Variants in TBC1D5 observed in about 807,000 individuals in gnomAD.
TBC1D5 encodes TBC1 domain family, member 5.
In TBC1D5, 75 loss-of-function variants were observed where a neutral mutation model predicts 100.3. That is an observed-to-expected ratio of 0.75 (90% confidence interval 0.62 to 0.91). The LOEUF is 0.91. Ranked by LOEUF, TBC1D5 falls within the 40% of genes least tolerant of loss-of-function variation. TBC1D5 has a pLI of 0.00. For missense variants in TBC1D5, 910 were observed against 942.4 expected, an observed-to-expected ratio of 0.97 and a Z score of 0.45; for synonymous variants, 323 against 325.6, an observed-to-expected ratio of 0.99 and a Z score of 0.09.
Position 17,209,403 on chromosome 3 carries a change from A to G in TBC1D5, c.1752+4804T>C, listed in dbSNP as rs2125926122. ...TGGACTCAAGCAATGCTCCCAACTC[A>G]GCCTCCCTAAGTGTTGGGATTACAG... On this transcript the variant is annotated intron_variant, in intron 18 of 21. Transcript: ENST00000253692. Among the ~76,000 whole-genome samples, 2 of 152,278 alleles carry G rather than the reference A, an allele frequency of 1.3e-5. 1 individual carries two copies. The highest frequency in any genetic ancestry group is 4.1e-4 in the South Asian group (2 of 4,826).
At chr3:17,643,633 CA>C (rs1577194298) in intron 1 of TBC1D5, among the ~76,000 whole-genome samples, 1 of 151,958 alleles carries the variant, frequency 6.6e-6, no homozygotes, top group East Asian at 1.9e-4. Flanking sequence ...AAAAAATTAT[CA>C]AAAAGTTAAA....
At chr3:17,471,815 A>C (rs1390906587) in intron 3 of TBC1D5, among the ~76,000 whole-genome samples, 2 of 152,200 alleles carry the variant, frequency 1.3e-5, no homozygotes, top group African/African-American at 4.8e-5. Context: ...ATTTCCAAAA[A>C]TTAAAAACAA....
chr3:17,573,927 T>C (rs952115423), intron 2 of TBC1D5, among the ~76,000 whole-genome samples: 1 of 151,992 alleles, frequency 6.6e-6, no homozygotes, highest in Non-Finnish European at 1.5e-5. Flanking sequence ...ATATTTTAAC[T>C]CTGTTGATCC....
chr3:17,405,242 T>G (rs2093741175), intron 5 of TBC1D5, among the ~76,000 whole-genome samples: 1 of 151,912 alleles, frequency 6.6e-6, no homozygotes, highest in Admixed American at 6.6e-5. Context: ...GGAAGAAAAA[T>G]TCATTGAGGT....
At chr3:17,397,651 G>A (rs7652792) in intron 8 of TBC1D5, among the ~76,000 whole-genome samples, 76,318 of 152,048 alleles carry the variant, frequency 0.5, 20,920 homozygotes, top group African/African-American at 0.7. Context: ...TGCTGGGATT[G>A]AAGGCATGAG....
chr3:17,684,114 C>T (rs2069908093), intron 1 of TBC1D5, among the ~76,000 whole-genome samples: 1 of 151,728 alleles, frequency 6.6e-6, no homozygotes, highest in Non-Finnish European at 1.5e-5. Context: ...AAGAAGACCA[C>T]ATTGGCATTA....
intron 9 of TBC1D5, among the ~76,000 whole-genome samples, chr3:17,383,593 A>G (rs2093035205): frequency 2.0e-5 from 3 of 152,100 alleles, no homozygotes; most frequent in Non-Finnish European, 4.4e-5. Context: ...TAAAAATAAT[A>G]TTTGTACATA....
At chr3:17,391,924 TG>T (rs1223257127) in intron 8 of TBC1D5, among the ~76,000 whole-genome samples, 1 of 152,096 alleles carries the variant, frequency 6.6e-6, no homozygotes, top group African/African-American at 2.4e-5. Context: ...TATAGTAGAA[TG>T]AAAGAAGAGA....
chr3:17,264,205 ACTAGATG>A (rs1434783869), intron 15 of TBC1D5, among the ~76,000 whole-genome samples: 1 of 152,104 alleles, frequency 6.6e-6, no homozygotes, highest in Non-Finnish European at 1.5e-5. Context: ...CTAACTAAAT[ACTAGATG>A]CTACAAGAAG....
intron 2 of TBC1D5, among the ~76,000 whole-genome samples, chr3:17,572,380 T>C (rs1477852844): frequency 6.6e-6 from 1 of 151,956 alleles, no homozygotes; most frequent in African/African-American, 2.4e-5. Flanking sequence ...CATCTTTTCA[T>C]ATACATTGCT....
At chr3:17,271,518 G>A (rs2079423646) in intron 15 of TBC1D5, among the ~76,000 whole-genome samples, 1 of 152,068 alleles carries the variant, frequency 6.6e-6, no homozygotes, top group African/African-American at 2.4e-5. Context: ...GTCTTTAAGG[G>A]TTTTCTAGGT....
chr3:17,501,281 T>C (rs1334488733), intron 3 of TBC1D5, among the ~76,000 whole-genome samples: 8 of 149,498 alleles, frequency 5.4e-5, no homozygotes, highest in Admixed American at 6.6e-5. Context: ...TAATGGAGCA[T>C]TGAGCTGCTT....
At chr3:17,445,463 T>A (rs544044848) in intron 3 of TBC1D5, among the ~76,000 whole-genome samples, 13 of 152,264 alleles carry the variant, frequency 8.5e-5, no homozygotes, top group African/African-American at 3.1e-4. Context: ...CAATATTTTA[T>A]TATTACATTC....
At chr3:17,351,406 A>C (rs2090564271) in intron 13 of TBC1D5, among the ~76,000 whole-genome samples, 1 of 152,222 alleles carries the variant, frequency 6.6e-6, no homozygotes, top group Non-Finnish European at 1.5e-5. Context: ...GCCATAAAAA[A>C]GAATGAGTTC....
intron 13 of TBC1D5, among the ~76,000 whole-genome samples, chr3:17,365,983 T>C (rs963381662): frequency 1.3e-5 from 2 of 152,130 alleles, no homozygotes; most frequent in African/African-American, 4.8e-5. Flanking sequence ...TATGTGTTAT[T>C]AGGTTAAATA....
At chr3:17,250,597 C>T (rs1349803541) in intron 16 of TBC1D5, among the ~76,000 whole-genome samples, 2 of 152,224 alleles carry the variant, frequency 1.3e-5, no homozygotes, top group Non-Finnish European at 2.9e-5. Flanking sequence ...CATTTTTCCA[C>T]TTCAGAAGCT....
chr3:17,696,096 A>G (rs1290672524), intron 1 of TBC1D5, among the ~76,000 whole-genome samples: 2 of 152,262 alleles, frequency 1.3e-5, no homozygotes, highest in Non-Finnish European at 2.9e-5. Context: ...ACATATTTAA[A>G]GCAGTGTGTA....
intron 13 of TBC1D5, chr3:17,338,495 C>A (rs2088307176): frequency 6.6e-6 from 1 of 152,212 alleles, no homozygotes; most frequent in South Asian, 2.1e-4. Context: ...TCACTGGCCA[C>A]CTCCTCACAA....
intron 15 of TBC1D5, among the ~76,000 whole-genome samples, chr3:17,269,186 G>C (rs1048188424): frequency 2.0e-5 from 3 of 152,140 alleles, no homozygotes; most frequent in African/African-American, 7.2e-5. Context: ...GGCATATTTA[G>C]ATGCACAAGT....
Sources: allele counts gnomAD v4.1 joint callset (sites outside exome capture counted in the v4.1 genomes callset), GRCh38; gene constraint gnomAD v4.1.1; transcripts MANE v1.5; gene names NCBI Gene and HGNC (gene_info 2026-07-23, HGNC 2026-07-21).